Variants in ABCA9 observed in about 807,000 individuals in gnomAD.
ABCA9 encodes ATP binding cassette subfamily A member 9, also known as ATP-binding cassette sub-family A member 9.
A neutral mutation model predicts 205.3 loss-of-function variants in ABCA9; 183 were observed. That is an observed-to-expected ratio of 0.89 (90% CI 0.79 to 1.01). The LOEUF (loss-of-function observed/expected upper bound fraction) is 1.01, where lower values mean the gene tolerates loss of function less well. Ranked by LOEUF, ABCA9 falls within the 50% of genes least tolerant of loss-of-function variation. The probability of loss-of-function intolerance (pLI) is 0.00; values close to 1 mark genes in which losing one functional copy is unlikely to be tolerated. For missense variants in ABCA9, 1,805 were observed against 1,912.4 expected (o/e 0.94, Z 1.05); for synonymous variants, 651 against 683.3 (o/e 0.95, Z 0.74).
chr17:69,041,661 G>A (rs899093884), intron 6 of ABCA9, among the ~76,000 whole-genome samples: 13 of 152,018 alleles, frequency 8.6e-5, no homozygotes, highest in Admixed American at 4.6e-4. Flanking sequence ...CCAAGATCAC[G>A]CCACTGCACT....
chr17:69,026,890 G>A (rs2071006499), intron 15 of ABCA9, 86 bp downstream of exon 15: 2 of 1,493,174 alleles, frequency 1.3e-6, no homozygotes. Context: ...GCAGTTCCAG[G>A]GAGACACAGC....
chr17:69,006,227 G>T (rs1186327256), intron 25 of ABCA9, among the ~76,000 whole-genome samples: 1 of 152,148 alleles, frequency 6.6e-6, no homozygotes, highest in Non-Finnish European at 1.5e-5. Context: ...TGTTTGGCAA[G>T]ATCAACTAAA....
chr17:69,073,215 T>C, the ABCA9 span, among the ~76,000 whole-genome samples: 3 of 152,138 alleles, frequency 2.0e-5, no homozygotes, highest in Non-Finnish European at 4.4e-5. Context: ...AACAAGGATA[T>C]TCAGGACGTG....
Position 69,035,870 on chromosome 17 carries a change from C to A in ABCA9, c.801-69G>T, listed in dbSNP as rs570229655. ...TCACTTCCTTGATTCATTTATTCAG[C>A]AAATGATTTGTGAAGCTCACCATTT... On this transcript the variant is annotated intron_variant, in intron 6 of 38. Coordinates refer to ENST00000340001, the MANE Select transcript of ABCA9 (RefSeq NM_080283.4). The A allele has an allele frequency of 1.4e-5, 21 of 1,513,656 alleles. No individual in the cohort carries two copies. The East Asian group carries it at 4.2e-4, about 30-fold the overall frequency. 93.8% of individuals were successfully genotyped at this position (1,513,656 alleles called of 1,614,324 possible).
the ABCA9 span, among the ~76,000 whole-genome samples, chr17:69,074,766 T>A: frequency 2.6e-5 from 4 of 152,180 alleles, no homozygotes; most frequent in Admixed American, 6.5e-5. Context: ...GGTTTTCTAG[T>A]TTGTGTGCAT....
intron 10 of ABCA9, among the ~76,000 whole-genome samples, chr17:69,030,775 A>G (rs2144359346): frequency 6.6e-6 from 1 of 152,176 alleles, no homozygotes; most frequent in South Asian, 2.1e-4. Context: ...AATTTTTTCC[A>G]TATGTTTTGA....
chr17:69,037,943 T>C (rs2071403608), intron 6 of ABCA9, among the ~76,000 whole-genome samples: 1 of 152,114 alleles, frequency 6.6e-6, no homozygotes, highest in African/African-American at 2.4e-5. Context: ...TAAACACCTC[T>C]ACGCAAATAA....
chr17:69,044,613 A>G lies in ABCA9; in HGVS notation c.470-13T>C. The stretch of plus-strand genomic sequence containing the variant: ...GCTTGACAGTGAGCTTTAGAAGAAG[A>G]ACACATCCATTATTACGGAATGATA... On this transcript the variant is annotated splice_polypyrimidine_tract_variant and intron_variant, in intron 4 of 38. Coordinates refer to ENST00000340001, the MANE Select transcript of ABCA9 (RefSeq NM_080283.4). 1 of 1,607,416 alleles carries G rather than the reference A, an allele frequency of 6.2e-7. No individual in the cohort carries two copies. The highest frequency in any genetic ancestry group is 8.5e-7 in the Non-Finnish European group (1 of 1,175,420).
chr17:69,017,670 A>T lies in ABCA9; in HGVS notation c.2887T>A (p.Ser963Thr). The T allele has an allele frequency of 6.2e-7, 1 of 1,613,114 alleles. No individual in the cohort carries two copies. Among genetic ancestry groups the T allele is most frequent in the Non-Finnish European group, 8.5e-7 (1 of 1,179,332 alleles). The stretch of plus-strand genomic sequence containing the variant: ...GTCCAGCATACCTTTTCATCACCTG[A>T]CACAATGATAGCACCATTGTAAGAT... Reference protein sequence around the residue: ...DPSYNGAIIVSGDEKDHRFSI... With the variant: ...DPSYNGAIIVTGDEKDHRFSI... The change falls in exon 21 of 39, where the codon TCA (serine) becomes ACA (threonine). Residue 963 changes from serine to threonine, a missense_variant. Physicochemically the swap from Ser to Thr is moderately conservative, Grantham distance 58. Transcript: ENST00000340001.
At chr17:69,065,402 A>C (rs535824563), upstream of ABCA9, among the ~76,000 whole-genome samples, 8 of 152,338 alleles carry the variant, frequency 5.3e-5, no homozygotes, top group East Asian at 1.5e-3. Context: ...TTTCTGACAT[A>C]GAATTTTTAT....
At chr17:69,029,434 C>G (rs1391422178) in intron 10 of ABCA9, among the ~76,000 whole-genome samples, 2 of 152,148 alleles carry the variant, frequency 1.3e-5, no homozygotes, top group East Asian at 3.8e-4. Flanking sequence ...AATCCCTGAT[C>G]TTTCCAAAAT....
chr17:69,004,435 G>T (rs1185219479), intron 25 of ABCA9, among the ~76,000 whole-genome samples: 1 of 152,224 alleles, frequency 6.6e-6, no homozygotes, highest in Non-Finnish European at 1.5e-5. Flanking sequence ...CTGCTCAGGG[G>T]TCAGGGACCC....
chr17:68,981,344 G>A (rs2069046879), intron 37 of ABCA9, among the ~76,000 whole-genome samples: 1 of 151,684 alleles, frequency 6.6e-6, no homozygotes, highest in Non-Finnish European at 1.5e-5. Flanking sequence ...AAAGAAAAAA[G>A]AAAGCAGAAA....
At position 69,016,123 on chromosome 17, in the gene ABCA9, T is replaced by TACAC. The variant is rs145740691; in HGVS notation, c.3039+126_3039+129dup. 4.8e-4 allele frequency: 51 copies of TACAC among 106,906 alleles called. 1 individual carries two copies. The highest frequency in any genetic ancestry group is 2.8e-3 in the South Asian group (8 of 2,822). The allele number at this position is 106,906 out of a possible 1,614,324, so 6.6% of individuals were successfully genotyped here. A position where few individuals can be genotyped will look rare whatever the true frequency, so the allele number is the denominator to read the frequency against. On this transcript the variant is annotated intron_variant, in intron 22 of 38. Coordinates refer to ENST00000340001, the MANE Select transcript of ABCA9 (RefSeq NM_080283.4). Reference sequence around the variant, plus strand: ...GTGTGTATATATATATATATATATATACACACACACACACACACACAAGTT... The same window carrying TACAC: ...GTGTGTATATATATATATATATATATACACACACACACACACACACACACAAGTT...
intron 22 of ABCA9, among the ~76,000 whole-genome samples, chr17:69,015,898 G>A (rs1341599778): frequency 6.6e-6 from 1 of 151,680 alleles, no homozygotes; most frequent in Non-Finnish European, 1.5e-5. Flanking sequence ...ATAATGAGTT[G>A]TATTTTTCTG....
chr17:69,021,924 A>C, intron 17 of ABCA9, 63 bp from the exon 18 acceptor site: 1 of 1,237,198 alleles, frequency 8.1e-7, no homozygotes, highest in East Asian at 2.6e-5. Context: ...ATATTTCTCA[A>C]AAATGTAAAA....
intron 17 of ABCA9, among the ~76,000 whole-genome samples, chr17:69,022,867 A>C (rs2070868542): frequency 1.3e-5 from 2 of 152,212 alleles, no homozygotes. Flanking sequence ...TGGACAAAGA[A>C]AAATAGAGAT....
Position 69,035,389 on chromosome 17 carries a change from A to C in ABCA9, c.985T>G (p.Phe329Val), listed in dbSNP as rs2071299894. 33 of 1,604,856 alleles carry C rather than the reference A, an allele frequency of 2.1e-5. No homozygotes were observed. The highest frequency in any genetic ancestry group is 2.7e-5 in the Non-Finnish European group (32 of 1,175,754). Residue 329 changes from phenylalanine to valine, a missense_variant, in exon 8 of 39, where the codon TTC becomes GTC. By Grantham distance (50) the Phe-to-Val change is conservative (BLOSUM62 -1). Transcript: ENST00000340001. Reference sequence around the variant, plus strand: ...AGAAACACAACCAAGCCCGTAAGGAAAGGTTTCTTTATCAACACACTCATC... The same window carrying C: ...AGAAACACAACCAAGCCCGTAAGGACAGGTTTCTTTATCAACACACTCATC... ...FLMSVLIKKPFLTGLVVFLLI... is the reference protein window; with the variant it reads ...FLMSVLIKKPVLTGLVVFLLI...
intron 8 of ABCA9, chr17:69,034,642 A>G (rs149806781): frequency 7.2e-5 from 11 of 152,328 alleles, no homozygotes; most frequent in African/African-American, 2.6e-4. Context: ...CTGTGCTGCA[A>G]TAGGACTTTT....
Sources: allele counts gnomAD v4.1 joint callset (sites outside exome capture counted in the v4.1 genomes callset), GRCh38; gene constraint gnomAD v4.1.1; transcripts MANE v1.5; gene names NCBI Gene and HGNC (gene_info 2026-07-23, HGNC 2026-07-21).